FAT3: variants seen among roughly 807,000 people sequenced by gnomAD.
The protein encoded by FAT3 is FAT atypical cadherin 3, also known as protocadherin Fat 3.
FAT3 carries 95 observed loss-of-function variants against 310.2 expected under a neutral mutation model. The observed-to-expected ratio is 0.31, with a 90% CI of 0.26 to 0.36. FAT3 has a LOEUF of 0.36. Ranked by LOEUF, FAT3 falls within the 10% of genes least tolerant of loss-of-function variation. The pLI is 1.00. For missense variants in FAT3, 5,408 were observed against 5,715.6 expected, an observed-to-expected ratio of 0.95 and a Z score of 1.74; for synonymous variants, 2,314 against 2,192.9, an observed-to-expected ratio of 1.06 and a Z score of -1.54.
rs748174294 is a variant in FAT3 at position 92,748,357 on chromosome 11, G to A, written c.3670-13499G>A. ...CTCCACCTGGCCCCACCCTTGACATGTGGGGATTATTACAATTCAAGGTGA... is the reference window on the plus strand; with the variant it reads ...CTCCACCTGGCCCCACCCTTGACATATGGGGATTATTACAATTCAAGGTGA... On this transcript the variant is annotated intron_variant, in intron 4 of 27. Transcript: ENST00000525166. 2.6e-5 allele frequency among the ~76,000 whole-genome samples: 4 copies of A among 152,130 alleles called. No homozygotes were observed. The East Asian group carries it at 7.7e-4, about 29-fold the overall frequency.
intron 4 of FAT3, among the ~76,000 whole-genome samples, chr11:92,721,359 T>A (rs992710593): frequency 6.6e-6 from 1 of 152,184 alleles, no homozygotes; most frequent in Admixed American, 6.6e-5. Flanking sequence ...CCCAACTCTG[T>A]AAATATATAA....
rs60246771 is a variant in FAT3, at chr11:92,700,377, C to T, written c.3669+2932C>T. ...CTGAGTGCAGTGGAAAGCCTTTAAGCAGGGGTGACATGATGTGACTGCCAT... is the reference window on the plus strand; with the variant it reads ...CTGAGTGCAGTGGAAAGCCTTTAAGTAGGGGTGACATGATGTGACTGCCAT... On this transcript the variant is annotated intron_variant, in intron 4 of 27. Coordinates refer to ENST00000525166, the MANE Select transcript of FAT3 (RefSeq NM_001367949.2). Among the ~76,000 whole-genome samples the T allele has an allele frequency of 1.6e-4, 24 of 152,138 alleles. No homozygotes were observed. The East Asian group carries it at 4.7e-3, about 29-fold the overall frequency.
chr11:92,451,031 T>A (rs1183195571), intron 2 of FAT3, among the ~76,000 whole-genome samples: 1 of 152,056 alleles, frequency 6.6e-6, no homozygotes. Context: ...TTAGACAAGG[T>A]GATTCTTTTT....
intron 1 of FAT3, among the ~76,000 whole-genome samples, chr11:92,329,480 A>G (rs983170181): frequency 1.5e-4 from 23 of 152,132 alleles, no homozygotes; most frequent in Middle Eastern, 3.4e-3. Flanking sequence ...TGCCAACACC[A>G]TGCTTCTTGT....
chr11:92,360,830 G>A (rs1948861555), intron 2 of FAT3, among the ~76,000 whole-genome samples: 1 of 152,190 alleles, frequency 6.6e-6, no homozygotes, highest in Non-Finnish European at 1.5e-5. Flanking sequence ...AATGCAACAA[G>A]GTAGGGATCA....
At chr11:92,757,725 G>C (rs978719389) in intron 4 of FAT3, among the ~76,000 whole-genome samples, 1 of 152,178 alleles carries the variant, frequency 6.6e-6, no homozygotes, top group African/African-American at 2.4e-5. Context: ...GTGTAGTTCA[G>C]TTCAGCAAAC....
chr11:92,571,101 T>G (rs1196984311), intron 3 of FAT3, among the ~76,000 whole-genome samples: 1 of 152,188 alleles, frequency 6.6e-6, no homozygotes, highest in Non-Finnish European at 1.5e-5. Context: ...TTTCTTAGTC[T>G]TTTTCTAAAA....
At chr11:92,702,854 T>C (rs932885237) in intron 4 of FAT3, among the ~76,000 whole-genome samples, 1 of 152,104 alleles carries the variant, frequency 6.6e-6, no homozygotes, top group African/African-American at 2.4e-5. Context: ...GTGTTTTTTA[T>C]TTGCAAATCA....
chr11:92,875,817 A>C (rs1186269855), intron 22 of FAT3, among the ~76,000 whole-genome samples: 1 of 152,202 alleles, frequency 6.6e-6, no homozygotes, highest in African/African-American at 2.4e-5. Flanking sequence ...GTAGTGCTAG[A>C]TACTCCACAA....
At chr11:92,392,331 C>G (rs967664318) in intron 2 of FAT3, among the ~76,000 whole-genome samples, 48 of 152,170 alleles carry the variant, frequency 3.2e-4, no homozygotes, top group African/African-American at 1.1e-3. Context: ...AATATCTTAA[C>G]TCACATTTTC....
chr11:92,597,729 G>A (rs1244203580), intron 3 of FAT3, among the ~76,000 whole-genome samples: 1 of 152,086 alleles, frequency 6.6e-6, no homozygotes, highest in South Asian at 2.1e-4. Context: ...GACTAGTCTC[G>A]AGTTTATAAC....
intron 2 of FAT3, among the ~76,000 whole-genome samples, chr11:92,423,520 C>T (rs1173674955): frequency 2.0e-5 from 3 of 152,136 alleles, no homozygotes; most frequent in Non-Finnish European, 1.5e-5. Flanking sequence ...AGGGAAAGGG[C>T]TACCTCTTAA....
chr11:92,849,959 G>A (rs1948779970), intron 19 of FAT3, among the ~76,000 whole-genome samples: 1 of 152,170 alleles, frequency 6.6e-6, no homozygotes, highest in Non-Finnish European at 1.5e-5. Flanking sequence ...GATAAGGTAG[G>A]ATAGGTAAAG....
At chr11:92,868,285 C>T (rs989700450) in intron 22 of FAT3, among the ~76,000 whole-genome samples, 3 of 152,148 alleles carry the variant, frequency 2.0e-5, no homozygotes. Context: ...GATGCACTAT[C>T]GAAATACAGA....
At chr11:92,226,832 C>G (rs560243192) in intron 1 of FAT3, among the ~76,000 whole-genome samples, 31 of 152,270 alleles carry the variant, frequency 2.0e-4, no homozygotes, top group African/African-American at 7.5e-4. Flanking sequence ...GAACCTGCAG[C>G]AGCCGCGGCG....
chr11:92,562,247 C>G (rs962652508), intron 3 of FAT3, among the ~76,000 whole-genome samples: 1 of 152,128 alleles, frequency 6.6e-6, no homozygotes, highest in Admixed American at 6.5e-5. Context: ...ACAATACCTC[C>G]TATTTGTATC....
chr11:92,569,520 G>A (rs187447037), intron 3 of FAT3, among the ~76,000 whole-genome samples: 2 of 152,256 alleles, frequency 1.3e-5, no homozygotes, highest in Admixed American at 1.3e-4. Flanking sequence ...TGAGAACAAG[G>A]CCTCAAAAAC....
At chr11:92,449,932 C>G (rs1951314243) in intron 2 of FAT3, among the ~76,000 whole-genome samples, 1 of 152,226 alleles carries the variant, frequency 6.6e-6, no homozygotes, top group Non-Finnish European at 1.5e-5. Flanking sequence ...CCTTCCACAA[C>G]ATGGGCCACT....
In FAT3 at chr11:92,586,594, C is replaced by T. The variant is rs1395638595; in HGVS notation, c.3607+61646C>T. Among the ~76,000 whole-genome samples, 3 of 151,918 alleles carry T rather than the reference C, an allele frequency of 2.0e-5. No individual in the cohort carries two copies. The South Asian group carries it at 6.2e-4, about 31-fold the overall frequency. On this transcript the variant is annotated intron_variant, in intron 3 of 27. Coordinates refer to ENST00000525166, the MANE Select transcript of FAT3 (RefSeq NM_001367949.2). ...AAAACTAGAAGAAACAAATAATAAT[C>T]ATGGCCAGGGTAATAGAGTTGTTAC... is the stretch of plus-strand genomic sequence containing the variant.
Sources: gnomAD v4.1 joint callset for allele counts (sites outside exome capture counted in the v4.1 genomes callset) on GRCh38, gnomAD v4.1.1 for gene constraint, MANE v1.5 for transcripts, NCBI Gene and HGNC (gene_info 2026-07-23, HGNC 2026-07-21) for gene names.